VTCN1: variants seen among roughly 807,000 people sequenced by gnomAD.
The protein encoded by VTCN1 is V-set domain containing T cell activation inhibitor 1.
VTCN1 carries 26 observed loss-of-function variants against 26.5 expected under a neutral mutation model. The observed-to-expected ratio is 0.98, with a 90% CI of 0.72 to 1.36. The LOEUF is 1.36. VTCN1 is among the 40% of genes most tolerant of loss of function. The pLI, the probability that VTCN1 is intolerant of heterozygous loss-of-function variation, is 0.00. For missense variants in VTCN1, 298 were observed against 337.7 expected (o/e 0.88, Z 0.92); for synonymous variants, 116 against 130.7 (o/e 0.89, Z 0.77).
intron 1 of VTCN1, among the ~76,000 whole-genome samples, chr1:117,184,071 GA>G (rs1647808923): frequency 6.6e-6 from 1 of 152,158 alleles, no homozygotes; most frequent in African/African-American, 2.4e-5. Flanking sequence ...GAGGTTTTGG[GA>G]AATGGAGATG....
chr1:117,204,750 C>T (rs932647588), intron 1 of VTCN1, among the ~76,000 whole-genome samples: 12 of 151,946 alleles, frequency 7.9e-5, no homozygotes, highest in African/African-American at 2.9e-4. Flanking sequence ...CCTGTAGTCC[C>T]AGCTACTCAG....
At chr1:117,153,057 C>T in intron 4 of VTCN1, 34 bp downstream of exon 4, 1 of 1,580,676 alleles carries the variant, frequency 6.3e-7, no homozygotes, top group Non-Finnish European at 8.6e-7. Context: ...ACTCTTTCCC[C>T]AGTAAATCCA....
chr1:117,203,049 A>G (rs919871492), intron 1 of VTCN1, among the ~76,000 whole-genome samples: 16 of 152,134 alleles, frequency 1.1e-4, no homozygotes, highest in Non-Finnish European at 4.4e-5. Flanking sequence ...GGGAGATGAG[A>G]TGGATCCAGA....
chr1:117,201,138 T>G (rs1215653051), intron 1 of VTCN1, among the ~76,000 whole-genome samples: 1 of 152,174 alleles, frequency 6.6e-6, no homozygotes, highest in East Asian at 1.9e-4. Context: ...CTATCATAAA[T>G]GCACAACTAC....
In VTCN1 at chr1:117,169,994, C is replaced by T; in HGVS notation, c.97+113G>A. On this transcript the variant is annotated intron_variant, in intron 2 of 5. Transcript: ENST00000369458. This position sits in a 1 kb window ranked among gnomAD's most constrained non-coding sequence, Gnocchi z 4.0. ...AAGAAGTAGAAGAATGAATGCTATA[C>T]TCTGAGGTTTTCTGGGTCAAAGCTC... 2.1e-6 allele frequency: 2 copies of T among 970,428 alleles called. No individual in the cohort carries two copies. Among genetic ancestry groups the T allele is most frequent in the Non-Finnish European group, 3.3e-6 (2 of 610,182 alleles). 60.1% of individuals were successfully genotyped at this position (970,428 alleles called of 1,614,324 possible). A position where few individuals can be genotyped will look rare whatever the true frequency, so the allele number is the denominator to read the frequency against.
chr1:117,161,121 C>T lies in VTCN1; in HGVS notation c.98-4200G>A, dbSNP rs1399563281. On this transcript the variant is annotated intron_variant, in intron 2 of 5. Coordinates refer to ENST00000369458, the MANE Select transcript of VTCN1 (RefSeq NM_024626.4). The surrounding 1 kb of genome is among the most constrained non-coding windows in gnomAD (Gnocchi z 4.3). ...GAAAGAGGACAAAATGAAGTTTTTG[C>T]TGTGTAATAAGAACACAACACACCT... is the stretch of plus-strand genomic sequence containing the variant. Among the ~76,000 whole-genome samples, 2 of 152,156 alleles carry T rather than the reference C, an allele frequency of 1.3e-5. No homozygotes were observed. Among genetic ancestry groups the T allele is most frequent in the Non-Finnish European group, 2.9e-5 (2 of 68,024 alleles).
intron 1 of VTCN1, among the ~76,000 whole-genome samples, chr1:117,208,941 T>A (rs939933410): frequency 1.5e-4 from 23 of 152,168 alleles, no homozygotes; most frequent in Non-Finnish European, 2.9e-5. Context: ...TTTTTATGAA[T>A]TAAGGCCATT....
In VTCN1 at chr1:117,170,147, C is replaced by T; in HGVS notation, c.57G>A (p.Leu19=). ...FWSIISIIII[L]AGAIALIIGF... is the part of the protein sequence containing the mutation. ...CAATGATGAGTGCAATTGCTCCAGC[C>T]AGAATAATGATGATGCTAATTATGC... The change falls in exon 2 of 6, where the codon CTG becomes CTA. Residue 19 remains leucine, a synonymous_variant. Transcript: ENST00000369458. The T allele has an allele frequency of 6.2e-7, 1 of 1,613,794 alleles. No homozygotes were observed. The highest frequency in any genetic ancestry group is 1.1e-5 in the South Asian group (1 of 91,062).
At chr1:117,172,980 G>GT (rs977164529) in intron 1 of VTCN1, among the ~76,000 whole-genome samples, 5 of 152,192 alleles carry the variant, frequency 3.3e-5, no homozygotes, top group Admixed American at 2.0e-4. Context: ...CTTCCATGCT[G>GT]TGGAAGCTTT....
intron 1 of VTCN1, among the ~76,000 whole-genome samples, chr1:117,187,095 T>C (rs1570977011): frequency 6.6e-6 from 1 of 151,936 alleles, no homozygotes; most frequent in African/African-American, 2.4e-5. Flanking sequence ...AAGACCAGCC[T>C]GGGCAACAAG....
intron 1 of VTCN1, among the ~76,000 whole-genome samples, chr1:117,205,279 C>G (rs887566978): frequency 6.6e-6 from 1 of 151,818 alleles, no homozygotes; most frequent in African/African-American, 2.4e-5. Flanking sequence ...ACCTCAGTCC[C>G]GAGTAGCTGG....
chr1:117,191,978 T>C (rs181297130), intron 1 of VTCN1, among the ~76,000 whole-genome samples: 561 of 151,420 alleles, frequency 3.7e-3, no homozygotes, highest in Non-Finnish European at 6.8e-3. Context: ...GAGGGAAATG[T>C]AGTAGTTGAA....
intron 1 of VTCN1, among the ~76,000 whole-genome samples, chr1:117,189,527 C>G (rs568329873): frequency 6.6e-6 from 1 of 152,154 alleles, no homozygotes; most frequent in Non-Finnish European, 1.5e-5. Context: ...CTGCTTTACC[C>G]GATCTGAAGC....
At position 117,147,560 on chromosome 1, in the gene VTCN1, G is replaced by C; in HGVS notation, c.*45+53C>G. ...CTGAAGGCTATCCGACTCTCATTAG[G>C]AGCACAAGCACCCACAGAACCAATA... On this transcript the variant is annotated intron_variant, in intron 5 of 5. Coordinates refer to ENST00000369458, the MANE Select transcript of VTCN1 (RefSeq NM_024626.4). The surrounding 1 kb of genome is among the most constrained non-coding windows in gnomAD (Gnocchi z 4.6). The C allele has an allele frequency of 6.8e-7, 1 of 1,475,918 alleles. No individual in the cohort carries two copies. The highest frequency in any genetic ancestry group is 2.3e-5 in the East Asian group (1 of 43,426). 91.4% of individuals were successfully genotyped at this position (1,475,918 alleles called of 1,614,324 possible).
intron 2 of VTCN1, among the ~76,000 whole-genome samples, chr1:117,158,736 C>CTGCAAATTTTCCAAA: frequency 6.6e-6 from 1 of 152,304 alleles, no homozygotes; most frequent in South Asian, 2.1e-4. Context: ...CATTGTCAGG[C>CTGCAAATTTTCCAAA]TGCAAATTTT....
In VTCN1 at chr1:117,197,021, G is replaced by A. The variant is rs1348056138; in HGVS notation, c.32+13803C>T. Among the ~76,000 whole-genome samples the A allele has an allele frequency of 3.9e-5, 6 of 152,110 alleles. No homozygotes were observed. In the East Asian group the frequency reaches 1.2e-3, roughly 29 times the overall value. ...CTTTACAACTTTATTTGCCTTAAGG[G>A]TAGAAAATTGTGAAGCTAGCAGGAG... On this transcript the variant is annotated intron_variant, in intron 1 of 5. Transcript: ENST00000369458.
At chr1:117,160,286 G>A (rs1221192217) in intron 2 of VTCN1, among the ~76,000 whole-genome samples, 1 of 152,168 alleles carries the variant, frequency 6.6e-6, no homozygotes, top group African/African-American at 2.4e-5. Context: ...TGATATTAAA[G>A]TGGCCTGCAC....
chr1:117,206,218 A>G (rs191394570), intron 1 of VTCN1, among the ~76,000 whole-genome samples: 30 of 151,766 alleles, frequency 2.0e-4, no homozygotes, highest in Admixed American at 1.4e-3. Flanking sequence ...TTTTAGAGCT[A>G]ACTGAATTTA....
intron 1 of VTCN1, among the ~76,000 whole-genome samples, chr1:117,182,524 A>T (rs980137579): frequency 6.6e-6 from 1 of 152,152 alleles, no homozygotes; most frequent in Non-Finnish European, 1.5e-5. Context: ...CTCTGGTACC[A>T]TAACAACCCT....
Sources: gnomAD v4.1 joint callset for allele counts (sites outside exome capture counted in the v4.1 genomes callset) on GRCh38, gnomAD v4.1.1 for gene constraint, Gnocchi (gnomAD v3.1) non-coding constraint, MANE v1.5 for transcripts, NCBI Gene and HGNC (gene_info 2026-07-23, HGNC 2026-07-21) for gene names.